Variants in FAM180A observed in about 807,000 individuals in gnomAD.
FAM180A encodes the protein family with sequence similarity 180 member A.
FAM180A carries 14 observed loss-of-function variants against 15.3 expected under a neutral mutation model. The observed-to-expected ratio is 0.92, with a 90% confidence interval of 0.61 to 1.43. The LOEUF (loss-of-function observed/expected upper bound fraction) is 1.43. Ranked by LOEUF, FAM180A falls within the 40% of genes most tolerant of loss-of-function variation. The pLI is 0.00. For synonymous variants in FAM180A, 90 were observed against 96.8 expected (o/e 0.93, Z 0.41); for missense variants, 200 against 220.8 (o/e 0.91, Z 0.60).
chr7:135,748,182 A>G (rs561123662), intron 1 of FAM180A, among the ~76,000 whole-genome samples: 2 of 152,158 alleles, frequency 1.3e-5, no homozygotes, highest in Non-Finnish European at 2.9e-5. Context: ...GGTCTGGCCC[A>G]ACTGCTGCAG....
At chr7:135,737,052 CAG>C in intron 2 of FAM180A, 45 bp downstream of exon 2, 1 of 1,448,128 alleles carries the variant, frequency 6.9e-7, no homozygotes, top group East Asian at 2.3e-5. Flanking sequence ...AGAGAAAGTG[CAG>C]AGTCTTTTGG....
Position 135,748,425 on chromosome 7 carries a change from G to A in FAM180A, c.76+80C>T, listed in dbSNP as rs1584756051. Reference sequence around the variant, plus strand: ...AAAAGGAGAGTGCGGGGCTTCTAATGTCCTTCCCTCCAAATTTTGAATTGC... The same window carrying A: ...AAAAGGAGAGTGCGGGGCTTCTAATATCCTTCCCTCCAAATTTTGAATTGC... On this transcript the variant is annotated intron_variant, in intron 1 of 3. Transcript: ENST00000338588. 4 of 1,121,238 alleles carry A rather than the reference G, an allele frequency of 3.6e-6. No individual in the cohort carries two copies. In the East Asian group the frequency reaches 7.0e-5, roughly 20 times the overall value. The allele number at this position is 1,121,238 out of a possible 1,614,324, so 69.5% of individuals were successfully genotyped here.
At chr7:135,739,637 GA>G (rs961240254) in intron 1 of FAM180A, among the ~76,000 whole-genome samples, 3 of 147,910 alleles carry the variant, frequency 2.0e-5, no homozygotes, top group Non-Finnish European at 4.5e-5. Flanking sequence ...AAAAGGCAGG[GA>G]AGGATGGAAA....
intron 1 of FAM180A, among the ~76,000 whole-genome samples, chr7:135,745,501 G>GTT (rs1446792733): frequency 6.6e-6 from 1 of 151,966 alleles, no homozygotes; most frequent in African/African-American, 2.4e-5. Context: ...CTGTGTGTGT[G>GTT]TATGTGTGTG....
At chr7:135,748,449 G>C in intron 1 of FAM180A, 56 bp downstream of exon 1, 7 of 1,424,662 alleles carry the variant, frequency 4.9e-6, no homozygotes, top group Non-Finnish European at 6.9e-6. Context: ...ATTTTGAATT[G>C]CATTGAAGAA....
chr7:135,738,768 G>A (rs1402902634), intron 1 of FAM180A, among the ~76,000 whole-genome samples: 1 of 152,182 alleles, frequency 6.6e-6, no homozygotes, highest in Non-Finnish European at 1.5e-5. Flanking sequence ...TGGGGAGCAG[G>A]CACTGTGCAG....
At chr7:135,739,825 C>G (rs1049545040) in intron 1 of FAM180A, among the ~76,000 whole-genome samples, 1 of 152,044 alleles carries the variant, frequency 6.6e-6, no homozygotes, top group Admixed American at 6.6e-5. Context: ...TATTTATGAT[C>G]GATACCACAA....
intron 1 of FAM180A, among the ~76,000 whole-genome samples, chr7:135,739,452 A>G (rs1391436574): frequency 6.6e-6 from 1 of 151,490 alleles, no homozygotes; most frequent in African/African-American, 2.4e-5. Context: ...CTACTAAAAA[A>G]ATACAAAAAA....
intron 1 of FAM180A, among the ~76,000 whole-genome samples, chr7:135,741,553 G>T (rs1796950406): frequency 6.6e-6 from 1 of 151,866 alleles, no homozygotes; most frequent in African/African-American, 2.4e-5. Flanking sequence ...ACCAGGTGTG[G>T]CAGCTCACAC....
At chr7:135,738,773 G>C (rs181921867) in intron 1 of FAM180A, among the ~76,000 whole-genome samples, 116 of 152,328 alleles carry the variant, frequency 7.6e-4, no homozygotes, top group African/African-American at 2.5e-3. Flanking sequence ...AGCAGGCACT[G>C]TGCAGAAATG....
intron 1 of FAM180A, among the ~76,000 whole-genome samples, chr7:135,747,898 C>T (rs748784045): frequency 1.1e-4 from 17 of 152,212 alleles, no homozygotes; most frequent in Non-Finnish European, 2.1e-4. Flanking sequence ...GGAGGAACTA[C>T]ATCCTGAGGG....
chr7:135,739,680 T>TAA (rs35701835), intron 1 of FAM180A, among the ~76,000 whole-genome samples: 49,836 of 140,026 alleles, frequency 0.36, 8,833 homozygotes, highest in Middle Eastern at 0.46. Flanking sequence ...CAGAAGTGAT[T>TAA]AAAAAAAAAA....
At position 135,733,805 on chromosome 7, in the gene FAM180A, T is replaced by G; in HGVS notation, c.*170A>C. 1 of 1,399,760 alleles carries G rather than the reference T, an allele frequency of 7.1e-7. No individual in the cohort carries two copies. Among genetic ancestry groups the G allele is most frequent in the Non-Finnish European group, 9.2e-7 (1 of 1,082,130 alleles). 86.7% of individuals were successfully genotyped at this position (1,399,760 alleles called of 1,614,324 possible). A position where few individuals can be genotyped will look rare whatever the true frequency, so the allele number is the denominator to read the frequency against. Reference sequence around the variant, plus strand: ...CATGATGGCATGAATCAGATGTGTCTTCCAGGAAACTACAAGGAGAAAAGA... The same window carrying G: ...CATGATGGCATGAATCAGATGTGTCGTCCAGGAAACTACAAGGAGAAAAGA... On this transcript the variant is annotated 3_prime_UTR_variant, in exon 3 of 4. Transcript: ENST00000338588.
At position 135,733,640 on chromosome 7, in the gene FAM180A, C is replaced by T; in HGVS notation, c.*329+6G>A. On this transcript the variant is annotated splice_donor_region_variant and intron_variant, in intron 3 of 3. Coordinates refer to ENST00000338588, the MANE Select transcript of FAM180A (RefSeq NM_205855.4). ...GGGATTACAGGCGTGAGCCTCTGTG[C>T]CCGGCCTGTTCTCACTCTTGAGTGT... 9.4e-7 allele frequency: 1 copy of T among 1,062,736 alleles called. No homozygotes were observed. Among genetic ancestry groups the T allele is most frequent in the Non-Finnish European group, 1.1e-6 (1 of 881,048 alleles). The allele number at this position is 1,062,736 out of a possible 1,614,324, so 65.8% of individuals were successfully genotyped here. A position where few individuals can be genotyped will look rare whatever the true frequency, so the allele number is the denominator to read the frequency against.
chr7:135,731,837 G>T (rs1337005882), intron 3 of FAM180A, among the ~76,000 whole-genome samples: 3 of 152,176 alleles, frequency 2.0e-5, no homozygotes, highest in South Asian at 2.1e-4. Flanking sequence ...TTTGCTCAAA[G>T]ATTTTGAAGG....
In FAM180A at chr7:135,730,173, A is replaced by T; in HGVS notation, c.*438T>A. 2 of 985,370 alleles carry T rather than the reference A, an allele frequency of 2.0e-6. No homozygotes were observed. Among genetic ancestry groups the T allele is most frequent in the Middle Eastern group, 5.2e-4 (1 of 1,914 alleles). The allele number at this position is 985,370 out of a possible 1,614,324, so 61.0% of individuals were successfully genotyped here. A position where few individuals can be genotyped will look rare whatever the true frequency, so the allele number is the denominator to read the frequency against. On this transcript the variant is annotated 3_prime_UTR_variant, in exon 4 of 4. Coordinates refer to ENST00000338588, the MANE Select transcript of FAM180A (RefSeq NM_205855.4). The stretch of plus-strand genomic sequence containing the variant: ...AGAGCAATGAAGTCTGCAGCAGTTA[A>T]ATGTCTGTTGATGTCTCTTGAGTGA...
chr7:135,745,893 G>A (rs547966623), intron 1 of FAM180A, among the ~76,000 whole-genome samples: 1 of 151,860 alleles, frequency 6.6e-6, no homozygotes, highest in African/African-American at 2.4e-5. Flanking sequence ...GGGTAAGGAT[G>A]AAGGTGAAAT....
Position 135,748,561 on chromosome 7 carries a change from A to C in FAM180A, c.20T>G (p.Leu7Arg). MHWKML[L>R]LLLLYYNAEA... is the part of the protein sequence containing the mutation. ...AGCATTGTAATACAACAGCAGAAGC[A>C]GCAACATCTTCCAATGCATCTTGTC... The change falls in exon 1 of 4, where the codon CTG becomes CGG. Residue 7 changes from leucine (L) to arginine (R), a missense_variant. Coordinates refer to ENST00000338588, the MANE Select transcript of FAM180A (RefSeq NM_205855.4). 1 of 1,614,210 alleles carries C rather than the reference A, an allele frequency of 6.2e-7. No homozygotes were observed. The highest frequency in any genetic ancestry group is 1.7e-5 in the Admixed American group (1 of 60,036).
intron 1 of FAM180A, among the ~76,000 whole-genome samples, chr7:135,747,987 G>T (rs1352970343): frequency 2.0e-5 from 3 of 152,210 alleles, no homozygotes; most frequent in Non-Finnish European, 2.9e-5. Context: ...GGTGGGTGCA[G>T]TGGAGGTTGA....
Sources: gnomAD v4.1 joint callset for allele counts (sites outside exome capture counted in the v4.1 genomes callset) on GRCh38, gnomAD v4.1.1 for gene constraint, MANE v1.5 for transcripts, NCBI Gene and HGNC (gene_info 2026-07-23, HGNC 2026-07-21) for gene names.